CACNA1I: variants seen among roughly 807,000 people sequenced by gnomAD.
CACNA1I encodes the protein calcium voltage-gated channel subunit alpha1 I, also known as voltage-dependent T-type calcium channel subunit alpha-1I.
A neutral mutation model predicts 201.6 loss-of-function variants in CACNA1I; 74 were observed. That is an observed-to-expected ratio of 0.37 (90% CI 0.30 to 0.45). The LOEUF (loss-of-function observed/expected upper bound fraction) is 0.45, where lower values mean the gene tolerates loss of function less well. CACNA1I is among the 20% of genes least tolerant of loss of function. The probability of loss-of-function intolerance (pLI) is 1.00; values close to 1 mark genes in which losing one functional copy is unlikely to be tolerated. For missense variants in CACNA1I, 2,346 were observed against 3,138.1 expected (o/e 0.75, Z 6.03); for synonymous variants, 1,431 against 1,345.2 (o/e 1.06, Z -1.40).
chr22:39,647,079 G>C (rs1336920960), intron 8 of CACNA1I, among the ~76,000 whole-genome samples, 198 bp downstream of exon 8: 1 of 152,264 alleles, frequency 6.6e-6, no homozygotes, highest in Non-Finnish European at 1.5e-5. Flanking sequence ...CCTGCGCTGG[G>C]CCGGGCCTGG....
In CACNA1I at chr22:39,590,334, C is replaced by T. The variant is rs746480180; in HGVS notation, c.237-7817C>T. On this transcript the variant is annotated intron_variant, in intron 1 of 36. Coordinates refer to ENST00000402142, the MANE Select transcript of CACNA1I (RefSeq NM_021096.4). ...CTTGAGGCAAACATGCCCTTGCTGGCTTCCCCTCCCCTTCTTCCTGCAGGT... is the reference window on the plus strand; with the variant it reads ...CTTGAGGCAAACATGCCCTTGCTGGTTTCCCCTCCCCTTCTTCCTGCAGGT... Among the ~76,000 whole-genome samples, 30 of 152,334 alleles carry T rather than the reference C, an allele frequency of 2.0e-4. 1 individual carries two copies. In the South Asian group the frequency reaches 2.3e-3, roughly 12 times the overall value.
In CACNA1I at chr22:39,576,383, G is replaced by A. The variant is rs184465870; in HGVS notation, c.236+5395G>A. 2.0e-4 allele frequency among the ~76,000 whole-genome samples: 30 copies of A among 152,332 alleles called. No homozygotes were observed. In the East Asian group the frequency reaches 5.6e-3, roughly 28 times the overall value. On this transcript the variant is annotated intron_variant, in intron 1 of 36. Coordinates refer to ENST00000402142, the MANE Select transcript of CACNA1I (RefSeq NM_021096.4). The stretch of plus-strand genomic sequence containing the variant: ...GGAAAGTGAAGCTCAAAGAGGTTGA[G>A]TCACTTTTATCCAGGGTTGCACAGC...
intron 5 of CACNA1I, among the ~76,000 whole-genome samples, chr22:39,640,039 T>C (rs554632168): frequency 3.9e-5 from 6 of 152,332 alleles, no homozygotes; most frequent in African/African-American, 1.4e-4. Flanking sequence ...AGATTAACCC[T>C]TCTGGATGGT....
At chr22:39,620,691 AAG>A (rs986182571) in intron 4 of CACNA1I, among the ~76,000 whole-genome samples, 9 of 152,082 alleles carry the variant, frequency 5.9e-5, no homozygotes, top group African/African-American at 1.9e-4. Context: ...AGACTGGGGA[AAG>A]AGAGGATGAG....
chr22:39,686,893 C>A lies in CACNA1I; in HGVS notation c.*488C>A, dbSNP rs1425370849. ...GAGTAGCTTGGAGAGGACCCTCAGG[C>A]CTCTGAGGGCACCAGGCCCTGGAGA... On this transcript the variant is annotated 3_prime_UTR_variant, in exon 37 of 37. Coordinates refer to ENST00000402142, the MANE Select transcript of CACNA1I (RefSeq NM_021096.4). The A allele has an allele frequency of 6.6e-6, 1 of 151,532 alleles. No homozygotes were observed. Among genetic ancestry groups the A allele is most frequent in the Non-Finnish European group, 1.5e-5 (1 of 67,880 alleles). The allele number at this position is 151,532 out of a possible 1,614,324, so 9.4% of individuals were successfully genotyped here. A position where few individuals can be genotyped will look rare whatever the true frequency, so the allele number is the denominator to read the frequency against.
chr22:39,659,402 G>T lies in CACNA1I; in HGVS notation c.2331-31G>T. On this transcript the variant is annotated intron_variant, in intron 12 of 36. Coordinates refer to ENST00000402142, the MANE Select transcript of CACNA1I (RefSeq NM_021096.4). The surrounding 1 kb of genome is among the most constrained non-coding windows in gnomAD (Gnocchi z 4.3). ...TGAGTAGGCAGTTTGGTGCATGTGA[G>T]TCCGATGAGCCTCTTCCATCCTTTC... 1 of 1,407,168 alleles carries T rather than the reference G, an allele frequency of 7.1e-7. No homozygotes were observed. The highest frequency in any genetic ancestry group is 1.2e-5 in the South Asian group (1 of 81,232). 87.2% of individuals were successfully genotyped at this position (1,407,168 alleles called of 1,614,324 possible). A position where few individuals can be genotyped will look rare whatever the true frequency, so the allele number is the denominator to read the frequency against.
intron 7 of CACNA1I, among the ~76,000 whole-genome samples, chr22:39,643,283 G>GTTTT (rs1934395001): frequency 6.6e-6 from 1 of 152,234 alleles, no homozygotes; most frequent in Non-Finnish European, 1.5e-5. Context: ...AAGACAAGAT[G>GTTTT]CCCGGAGACT....
At position 39,684,405 on chromosome 22, in the gene CACNA1I, G is replaced by A. The variant is rs746966765; in HGVS notation, c.5934G>A (p.Lys1978=). The A allele has an allele frequency of 1.2e-6, 2 of 1,613,638 alleles. No homozygotes were observed. The highest frequency in any genetic ancestry group is 1.7e-6 in the Non-Finnish European group (2 of 1,179,872). Residue 1978 remains lysine (K), a synonymous_variant, in exon 36 of 37, where the codon AAG becomes AAA. Coordinates refer to ENST00000402142, the MANE Select transcript of CACNA1I (RefSeq NM_021096.4). The surrounding 1 kb of genome is among the most constrained non-coding windows in gnomAD (Gnocchi z 4.6). ...CTGCCAGCCAGAAAGGCCCAGAAAA[G>A]GGCACTGGCACTGGAACCCTCCCCA... ...AVSASQKGPE[K]GTGTGTLPKI...
At chr22:39,682,126 T>C (rs1935723433) in intron 34 of CACNA1I, among the ~76,000 whole-genome samples, 1 of 152,104 alleles carries the variant, frequency 6.6e-6, no homozygotes, top group Non-Finnish European at 1.5e-5. Flanking sequence ...AGGTAGGCGT[T>C]ACTCTCCTTG....
chr22:39,664,274 C>A (rs1935114174), intron 20 of CACNA1I, 115 bp downstream of exon 20: 2 of 849,380 alleles, frequency 2.4e-6, no homozygotes, highest in Non-Finnish European at 3.8e-6. Flanking sequence ...TCACTCGTAG[C>A]CCCATGGCCC....
Position 39,649,834 on chromosome 22 carries a change from G to C in CACNA1I, c.1901G>C (p.Arg634Pro), listed in dbSNP as rs768104592. The change falls in exon 10 of 37, where the codon CGC becomes CCC. Residue 634 changes from arginine (R) to proline (P), a missense_variant. Physicochemically the swap from Arg to Pro is moderately radical, Grantham distance 103. This residue lies in a region of CACNA1I where 312 missense variants were observed against 331.5 expected (regional missense o/e 0.94). Coordinates refer to ENST00000402142, the MANE Select transcript of CACNA1I (RefSeq NM_021096.4). This position sits in a 1 kb window ranked among gnomAD's most constrained non-coding sequence, Gnocchi z 7.3. The part of the protein sequence containing the change: ...DVWRETRAKL[R>P]GIVDSKYFNR... ...TGGCGGGAGACGCGAGCCAAGCTGC[G>C]CGGCATCGTGGACAGCAAGTACTTC... 6.2e-7 allele frequency: 1 copy of C among 1,613,388 alleles called. No individual in the cohort carries two copies. The highest frequency in any genetic ancestry group is 8.5e-7 in the Non-Finnish European group (1 of 1,179,730).
chr22:39,600,007 G>T (rs925907377), intron 2 of CACNA1I, among the ~76,000 whole-genome samples: 1 of 152,228 alleles, frequency 6.6e-6, no homozygotes, highest in Non-Finnish European at 1.5e-5. Flanking sequence ...TTCCATGGGG[G>T]CTTTGGGGTG....
At chr22:39,590,079 C>CCT (rs1211782512) in intron 1 of CACNA1I, among the ~76,000 whole-genome samples, 1 of 152,134 alleles carries the variant, frequency 6.6e-6, no homozygotes, top group Non-Finnish European at 1.5e-5. Flanking sequence ...TGGCTCGGCT[C>CCT]CTGGAGAGGA....
At chr22:39,626,621 G>A (rs929940114) in intron 4 of CACNA1I, among the ~76,000 whole-genome samples, 2 of 151,920 alleles carry the variant, frequency 1.3e-5, no homozygotes, top group African/African-American at 2.4e-5. Context: ...TCTTTGAGAC[G>A]GAGTCTTGCT....
chr22:39,634,468 C>T, intron 4 of CACNA1I, 97 bp from the exon 5 acceptor site: 1 of 1,173,386 alleles, frequency 8.5e-7, no homozygotes, highest in South Asian at 1.2e-5. Flanking sequence ...TAATGCATCC[C>T]CCTCCCCCTC....
chr22:39,638,846 A>G (rs1274434401), intron 5 of CACNA1I, among the ~76,000 whole-genome samples: 1 of 152,184 alleles, frequency 6.6e-6, no homozygotes, highest in African/African-American at 2.4e-5. Flanking sequence ...TCAGATCATC[A>G]GGCAATAGAT....
At chr22:39,651,237 T>C (rs141866102) in intron 10 of CACNA1I, among the ~76,000 whole-genome samples, 1 of 152,280 alleles carries the variant, frequency 6.6e-6, no homozygotes, top group East Asian at 1.9e-4. Context: ...CCGGGAGGGC[T>C]TGGGATTTCG....
chr22:39,625,845 A>G (rs370900996), intron 4 of CACNA1I, among the ~76,000 whole-genome samples: 1 of 76,876 alleles, frequency 1.3e-5, no homozygotes, highest in Non-Finnish European at 2.7e-5. Context: ...GCCCCACCCC[A>G]CCCCCAGCCT....
chr22:39,659,152 C>G lies in CACNA1I; in HGVS notation c.2330+36C>G, dbSNP rs368465435. The G allele has an allele frequency of 1.6e-4, 256 of 1,604,234 alleles. No homozygotes were observed. Among genetic ancestry groups the G allele is most frequent in the South Asian group, 1.5e-3 (137 of 90,150 alleles). On this transcript the variant is annotated intron_variant, in intron 12 of 36. Coordinates refer to ENST00000402142, the MANE Select transcript of CACNA1I (RefSeq NM_021096.4). The surrounding 1 kb of genome is among the most constrained non-coding windows in gnomAD (Gnocchi z 4.3). The stretch of plus-strand genomic sequence containing the variant: ...CCTGCTGGGGGCCATACCTCAGCAC[C>G]TGCTGGGGCTGTGGGCGGGAGCCTG...
Sources: allele counts gnomAD v4.1 joint callset (sites outside exome capture counted in the v4.1 genomes callset), GRCh38; gene constraint gnomAD v4.1.1; regional missense constraint gnomAD v4.1.1; non-coding constraint Gnocchi (gnomAD v3.1); transcripts MANE v1.5; gene names NCBI Gene and HGNC (gene_info 2026-07-23, HGNC 2026-07-21).